Variants in SUGCT observed in about 807,000 individuals in gnomAD.
The protein encoded by SUGCT is succinyl-CoA:glutarate-CoA transferase.
Under a neutral mutation model 55.0 loss-of-function variants are expected in SUGCT, and 41 were observed. The observed-to-expected ratio is 0.74, with a 90% confidence interval of 0.58 to 0.97. SUGCT has a LOEUF of 0.97. Among genes scored for constraint, SUGCT ranks in the 50% least tolerant of loss-of-function variants. SUGCT has a pLI of 0.00. For synonymous variants in SUGCT, 187 were observed against 200.4 expected (o/e 0.93, Z 0.56); for missense variants, 568 against 547.8 (o/e 1.04, Z -0.37).
At chr7:40,644,004 G>A (rs528249075) in intron 12 of SUGCT, among the ~76,000 whole-genome samples, 7 of 152,272 alleles carry the variant, frequency 4.6e-5, no homozygotes, top group East Asian at 1.9e-4. Context: ...AAAACCTGTC[G>A]TTTGGGATGG....
intron 3 of SUGCT, among the ~76,000 whole-genome samples, chr7:40,182,752 A>G (rs558184932): frequency 6.6e-6 from 1 of 152,214 alleles, no homozygotes; most frequent in Admixed American, 6.5e-5. Flanking sequence ...AGAGAAGTAA[A>G]GCAACTTATT....
chr7:40,948,494 AGTGCAGAAT>A, the SUGCT span, among the ~76,000 whole-genome samples: 4 of 151,950 alleles, frequency 2.6e-5, no homozygotes, highest in Non-Finnish European at 4.4e-5. Context: ...CTGGAATACA[AGTGCAGAAT>A]GTGCAGATTT....
At chr7:40,265,108 A>G (rs932130630) in intron 7 of SUGCT, among the ~76,000 whole-genome samples, 9 of 152,236 alleles carry the variant, frequency 5.9e-5, no homozygotes, top group Admixed American at 1.3e-4. Flanking sequence ...AAAGTGGTTT[A>G]TTAAAAAATT....
chr7:40,955,091 T>G, the SUGCT span, among the ~76,000 whole-genome samples: 1 of 152,224 alleles, frequency 6.6e-6, no homozygotes, highest in Non-Finnish European at 1.5e-5. Flanking sequence ...AGCTTTGTTC[T>G]TTTTGCTTAG....
chr7:40,663,519 G>A (rs191485647), intron 12 of SUGCT, among the ~76,000 whole-genome samples: 27 of 148,488 alleles, frequency 1.8e-4, no homozygotes, highest in South Asian at 8.4e-4. Flanking sequence ...GTGTGTGTGT[G>A]TGTATCATTA....
intron 1 of SUGCT, among the ~76,000 whole-genome samples, chr7:40,149,255 C>T (rs1788424114): frequency 6.6e-6 from 1 of 152,192 alleles, no homozygotes; most frequent in African/African-American, 2.4e-5. Context: ...CTGAAACCGC[C>T]TTTGCAAAAT....
chr7:40,618,813 G>A (rs1368840756), intron 12 of SUGCT, among the ~76,000 whole-genome samples: 2 of 152,118 alleles, frequency 1.3e-5, no homozygotes, highest in Non-Finnish European at 2.9e-5. Context: ...CTTGTTAATG[G>A]TGATGTCTTC....
At chr7:40,732,001 G>T (rs1786911894) in intron 12 of SUGCT, among the ~76,000 whole-genome samples, 1 of 152,158 alleles carries the variant, frequency 6.6e-6, no homozygotes. Context: ...AATCTATGAG[G>T]ATATATCTTG....
intron 12 of SUGCT, among the ~76,000 whole-genome samples, chr7:40,585,819 A>G (rs924936868): frequency 6.6e-6 from 1 of 151,932 alleles, no homozygotes; most frequent in African/African-American, 2.4e-5. Context: ...ACCTGGGATT[A>G]CAGGTGTGCA....
chr7:40,989,187 T>A, the SUGCT span, among the ~76,000 whole-genome samples: 1 of 152,146 alleles, frequency 6.6e-6, no homozygotes, highest in Admixed American at 6.6e-5. Flanking sequence ...TGACAATGAA[T>A]TTTGCTGCAT....
At chr7:40,849,930 T>C (rs1793766960) in intron 13 of SUGCT, among the ~76,000 whole-genome samples, 1 of 152,100 alleles carries the variant, frequency 6.6e-6, no homozygotes, top group Non-Finnish European at 1.5e-5. Flanking sequence ...CATGAGAAAT[T>C]GGCATGTATT....
At chr7:40,853,676 C>T (rs112783894) in intron 13 of SUGCT, among the ~76,000 whole-genome samples, 4,220 of 152,188 alleles carry the variant, frequency 0.028, 75 homozygotes, top group Middle Eastern at 0.055. Flanking sequence ...GATATAAGCT[C>T]TTGTACTGGT....
At chr7:40,673,916 T>C (rs913555161) in intron 12 of SUGCT, among the ~76,000 whole-genome samples, 1 of 152,184 alleles carries the variant, frequency 6.6e-6, no homozygotes, top group Non-Finnish European at 1.5e-5. Context: ...ATTCCAGATA[T>C]CTAGAAACCT....
At chr7:40,730,714 C>A (rs796284235) in intron 12 of SUGCT, among the ~76,000 whole-genome samples, 6 of 152,292 alleles carry the variant, frequency 3.9e-5, no homozygotes, top group African/African-American at 1.4e-4. Flanking sequence ...TGGGTCCTGG[C>A]AACCACCATT....
chr7:40,865,287 G>A (rs1794560218), downstream of SUGCT, among the ~76,000 whole-genome samples: 1 of 152,014 alleles, frequency 6.6e-6, no homozygotes, highest in Non-Finnish European at 1.5e-5. Context: ...CAGAAAAATA[G>A]GACTTTCTCA....
At chr7:40,872,985 T>C in the SUGCT span, among the ~76,000 whole-genome samples, 1 of 152,148 alleles carries the variant, frequency 6.6e-6, no homozygotes, top group South Asian at 2.1e-4. Context: ...GGGTCACAGC[T>C]GTGCAGCCTC....
intron 13 of SUGCT, among the ~76,000 whole-genome samples, chr7:40,789,920 G>A (rs1260760503): frequency 2.0e-5 from 3 of 152,146 alleles, no homozygotes. Flanking sequence ...ATGTGTCCAA[G>A]TCACCTTGAC....
chr7:40,547,922 C>T (rs535261521), intron 12 of SUGCT, among the ~76,000 whole-genome samples: 87 of 152,170 alleles, frequency 5.7e-4, no homozygotes, highest in African/African-American at 2.0e-3. Context: ...GATACAGCTT[C>T]ATACATAGAG....
chr7:40,650,866 C>T lies in SUGCT; in HGVS notation c.1090-98568C>T, dbSNP rs144413157. ...AGCTATTTTTCCTAATGTTGTCCCT[C>T]CTCCCACCCTAACCCTCAATAGGCA... On this transcript the variant is annotated intron_variant, in intron 12 of 13. Coordinates refer to ENST00000335693, the MANE Select transcript of SUGCT (RefSeq NM_001193313.2). Among the ~76,000 whole-genome samples, 522 of 152,240 alleles carry T rather than the reference C, an allele frequency of 3.4e-3. 8 individuals carry two copies. The highest frequency in any genetic ancestry group is 0.031 in the East Asian group (161 of 5,166).
Sources: gnomAD v4.1 joint callset for allele counts (sites outside exome capture counted in the v4.1 genomes callset) on GRCh38, gnomAD v4.1.1 for gene constraint, MANE v1.5 for transcripts, NCBI Gene and HGNC (gene_info 2026-07-23, HGNC 2026-07-21) for gene names.